The following SYN1 variants were observed in gnomAD, a reference collection of about 807,000 sequenced individuals.
SYN1 encodes synapsin-1.
In SYN1, 8 loss-of-function variants were observed where a neutral mutation model predicts 44.6. That is an observed-to-expected ratio of 0.18 (90% CI 0.11 to 0.32). The LOEUF (loss-of-function observed/expected upper bound fraction) is 0.32. Ranked by LOEUF, SYN1 falls within the 10% of genes least tolerant of loss-of-function variation. SYN1 has a pLI of 1.00. For synonymous variants in SYN1, 275 were observed against 280.1 expected, an observed-to-expected ratio of 0.98 and a Z score of 0.18; for missense variants, 451 against 639.4, an observed-to-expected ratio of 0.71 and a Z score of 3.18.
At chrX:47,596,064 G>C (rs1204354852) in intron 5 of SYN1, among the ~76,000 whole-genome samples, 1 of 112,278 alleles carries the variant, frequency 8.9e-6, no homozygotes, top group Non-Finnish European at 1.9e-5. Context: ...CAACAGCCCT[G>C]CAATTCCAGT....
In SYN1 at chrX:47,619,375, G is replaced by A. The variant is rs1264526509; in HGVS notation, c.354C>T (p.Val118=). The change falls in exon 1 of 13, where the codon GTC becomes GTT. Residue 118 remains valine, a synonymous_variant. Transcript: ENST00000295987. ...RGGAASRVLL[V]IDEPHTDWAK... ...ACCAGTCGGTGTGCGGCTCGTCGAT[G>A]ACCAGCAGCACCCTGGAGGCGGCTC... The A allele has an allele frequency of 8.4e-7, 1 of 1,196,390 alleles. No individual in the cohort carries two copies. Among genetic ancestry groups the A allele is most frequent in the Non-Finnish European group, 1.1e-6 (1 of 893,047 alleles).
At chrX:47,593,540 A>G (rs751448163) in intron 5 of SYN1, among the ~76,000 whole-genome samples, 1 of 111,825 alleles carries the variant, frequency 8.9e-6, no homozygotes, top group Non-Finnish European at 1.9e-5. Flanking sequence ...ACATGCTGTG[A>G]TTATAGCCGT....
At chrX:47,589,909 C>T (rs1394973738) in intron 5 of SYN1, 1 of 111,426 alleles carries the variant, frequency 9.0e-6, no homozygotes, top group African/African-American at 3.3e-5. Context: ...ATATTGCAAA[C>T]AATGTTTGAT....
At chrX:47,611,888 G>A (rs772908173) in intron 1 of SYN1, among the ~76,000 whole-genome samples, 7 of 111,549 alleles carry the variant, frequency 6.3e-5, no homozygotes, top group East Asian at 2.8e-4. Context: ...ATTGAATCAC[G>A]CACCTTCCAC....
chrX:47,605,534 T>C (rs112152317), intron 3 of SYN1, among the ~76,000 whole-genome samples, 155 bp from the exon 4 acceptor site: 11 of 111,652 alleles, frequency 9.9e-5, no homozygotes, highest in Admixed American at 1.9e-4. Flanking sequence ...CTCTGCCTAG[T>C]GCACCCTTTC....
At chrX:47,575,354 C>G (rs2057774479) in intron 9 of SYN1, 80 bp from the exon 10 acceptor site, 1 of 1,114,507 alleles carries the variant, frequency 9.0e-7, no homozygotes, top group African/African-American at 1.8e-5. Context: ...TTCAGTTGGC[C>G]AAGGGCATGG....
chrX:47,598,876 C>T (rs1398915125), intron 5 of SYN1, among the ~76,000 whole-genome samples: 1 of 109,733 alleles, frequency 9.1e-6, no homozygotes, highest in Non-Finnish European at 1.9e-5. Flanking sequence ...TAAAAATTAG[C>T]TGAGCATGAT....
In SYN1 at chrX:47,605,232, C is replaced by T; in HGVS notation, c.675G>A (p.Lys225=). 1 of 1,208,342 alleles carries T rather than the reference C, an allele frequency of 8.3e-7. No individual in the cohort carries two copies. The highest frequency in any genetic ancestry group is 1.1e-6 in the Non-Finnish European group (1 of 893,870). The change falls in exon 4 of 13, where the codon AAG becomes AAA. Residue 225 remains lysine (K), a synonymous_variant. Coordinates refer to ENST00000295987, the MANE Select transcript of SYN1 (RefSeq NM_006950.3). The stretch of plus-strand genomic sequence containing the variant: ...CCTTCCTGTTACTTACCACCCAGGG[C>T]TTGTCACAGAAGTTGTAGACAGAAT... The part of the protein sequence containing the change: ...SLHSVYNFCD[K]PWVFAQMVRL...
chrX:47,583,467 A>G, intron 5 of SYN1: 3 of 1,207,762 alleles, frequency 2.5e-6, no homozygotes, highest in Non-Finnish European at 3.4e-6. Flanking sequence ...GCTGTGGCTG[A>G]TAGCCCCCAG....
chrX:47,577,852 T>A (rs2057782915), intron 5 of SYN1, among the ~76,000 whole-genome samples: 1 of 80,884 alleles, frequency 1.2e-5, no homozygotes, highest in Admixed American at 1.6e-4. Flanking sequence ...GGCAAGTGTG[T>A]GCCAGTGCGT....
At chrX:47,612,035 A>T (rs1330445682) in intron 1 of SYN1, among the ~76,000 whole-genome samples, 3 of 111,764 alleles carry the variant, frequency 2.7e-5, no homozygotes, top group Non-Finnish European at 5.6e-5. Flanking sequence ...GCCAGAGCAG[A>T]AAAGGGCTCT....
chrX:47,581,172 A>G (rs1202268503), intron 5 of SYN1, among the ~76,000 whole-genome samples: 1 of 111,999 alleles, frequency 8.9e-6, no homozygotes, highest in African/African-American at 3.3e-5. Context: ...ATCATCCCTG[A>G]GTTAATCAAA....
chrX:47,583,659 C>A, intron 5 of SYN1: 2 of 813,292 alleles, frequency 2.5e-6, no homozygotes, highest in Non-Finnish European at 3.3e-6. Context: ...TCTGCTTTAG[C>A]CACACTGGCA....
intron 1 of SYN1, among the ~76,000 whole-genome samples, chrX:47,618,581 T>G (rs1172490165): frequency 9.1e-6 from 1 of 109,922 alleles, no homozygotes. Context: ...TGAGAAGGGG[T>G]TTGGGGGTGC....
At chrX:47,598,441 A>T (rs750679361) in intron 5 of SYN1, among the ~76,000 whole-genome samples, 5 of 111,922 alleles carry the variant, frequency 4.5e-5, no homozygotes, top group Non-Finnish European at 9.4e-5. Context: ...TCATGCCTGT[A>T]ATCACAACAC....
intron 3 of SYN1, among the ~76,000 whole-genome samples, chrX:47,605,972 A>G (rs2057895650): frequency 9.2e-6 from 1 of 108,849 alleles, no homozygotes; most frequent in Non-Finnish European, 1.9e-5. Flanking sequence ...GGCTCACTGT[A>G]ATCTCCGCCT....
intron 5 of SYN1, among the ~76,000 whole-genome samples, chrX:47,599,860 A>T (rs949938171): frequency 8.9e-6 from 1 of 112,215 alleles, no homozygotes; most frequent in Non-Finnish European, 1.9e-5. Flanking sequence ...AGATTCAAAG[A>T]CCCAAATAAG....
In SYN1 at chrX:47,593,183, C is replaced by T. The variant is rs143731025; in HGVS notation, c.774+11795G>A. Reference sequence around the variant, plus strand: ...GTGTTGGGATTACGATGTAAGCCACCGTGCTCACCCTTAATGTGGTTTTGA... The same window carrying T: ...GTGTTGGGATTACGATGTAAGCCACTGTGCTCACCCTTAATGTGGTTTTGA... On this transcript the variant is annotated intron_variant, in intron 5 of 12. Coordinates refer to ENST00000295987, the MANE Select transcript of SYN1 (RefSeq NM_006950.3). Among the ~76,000 whole-genome samples, 12 of 110,277 alleles carry T rather than the reference C, an allele frequency of 1.1e-4. No homozygotes were observed. In the East Asian group the frequency reaches 2.8e-3, roughly 26 times the overall value.
chrX:47,592,836 T>G (rs777597352), intron 5 of SYN1, among the ~76,000 whole-genome samples: 1 of 111,999 alleles, frequency 8.9e-6, no homozygotes, highest in South Asian at 3.7e-4. Context: ...ACTACTGATT[T>G]CTGCATGTTG....
Sources: allele counts gnomAD v4.1 joint callset (sites outside exome capture counted in the v4.1 genomes callset), GRCh38; gene constraint gnomAD v4.1.1; transcripts MANE v1.5; gene names NCBI Gene and HGNC (gene_info 2026-07-23, HGNC 2026-07-21).